The following EYS variants were observed in gnomAD, a reference collection of about 807,000 sequenced individuals.
The protein encoded by EYS is EGF-like photoreceptor maintenance factor, also known as protein eyes shut homolog.
Under a neutral mutation model 282.1 loss-of-function variants are expected in EYS, and 250 were observed. The observed-to-expected ratio is 0.89, with a 90% CI of 0.80 to 0.98. The LOEUF (loss-of-function observed/expected upper bound fraction) is 0.98. Ranked by LOEUF, EYS falls within the 50% of genes least tolerant of loss-of-function variation. EYS has a pLI of 0.00. For missense variants in EYS, 4,016 were observed against 3,709.0 expected, an observed-to-expected ratio of 1.08 and a Z score of -2.15; for synonymous variants, 1,355 against 1,282.9, an observed-to-expected ratio of 1.06 and a Z score of -1.20.
At chr6:65,294,142 A>G (rs1365228188) in intron 12 of EYS, among the ~76,000 whole-genome samples, 1 of 151,910 alleles carries the variant, frequency 6.6e-6, no homozygotes, top group Admixed American at 6.6e-5. Context: ...TAACAGAAGG[A>G]ACCAGATAGA....
intron 12 of EYS, among the ~76,000 whole-genome samples, chr6:65,254,321 T>A (rs1436067152): frequency 6.6e-6 from 1 of 151,902 alleles, no homozygotes; most frequent in East Asian, 1.9e-4. Flanking sequence ...TAAACACATC[T>A]ACTAAGACCA....
At chr6:65,405,092 T>C in intron 6 of EYS, 82 bp downstream of exon 6, 1 of 935,960 alleles carries the variant, frequency 1.1e-6, no homozygotes, top group Non-Finnish European at 1.7e-6. Flanking sequence ...ATAAGGATTC[T>C]AATTATTTAT....
At chr6:64,018,824 G>A (rs1769031092) in intron 33 of EYS, among the ~76,000 whole-genome samples, 1 of 135,882 alleles carries the variant, frequency 7.4e-6, no homozygotes, top group African/African-American at 2.9e-5. Context: ...GCCCAGGCTG[G>A]AGTGCAATGG....
At chr6:65,209,931 T>C (rs1766131590) in intron 12 of EYS, among the ~76,000 whole-genome samples, 1 of 151,894 alleles carries the variant, frequency 6.6e-6, no homozygotes, top group Admixed American at 6.6e-5. Context: ...AAAGTCTGTA[T>C]TGCATCCAGC....
At chr6:63,845,482 A>AC (rs1225232552) in intron 36 of EYS, among the ~76,000 whole-genome samples, 1 of 152,122 alleles carries the variant, frequency 6.6e-6, no homozygotes. Context: ...TAAAGGAATA[A>AC]ACCGCAGCAC....
At chr6:64,680,516 T>C (rs1194480517) in intron 22 of EYS, among the ~76,000 whole-genome samples, 1 of 152,142 alleles carries the variant, frequency 6.6e-6, no homozygotes, top group Non-Finnish European at 1.5e-5. Flanking sequence ...AAGCTAACTC[T>C]CTTCTCAACT....
At chr6:65,382,515 C>T (rs1241093216) in intron 8 of EYS, among the ~76,000 whole-genome samples, 1 of 128,146 alleles carries the variant, frequency 7.8e-6, no homozygotes, top group African/African-American at 2.8e-5. Flanking sequence ...TCTTCTAGTT[C>T]ATCCTTATGC....
chr6:64,860,268 C>G (rs1035094301), intron 19 of EYS, among the ~76,000 whole-genome samples: 7 of 152,232 alleles, frequency 4.6e-5, no homozygotes, highest in Non-Finnish European at 8.8e-5. Context: ...GTGCCATTGC[C>G]CAAGTCTTGG....
At chr6:63,811,488 A>G (rs1302971277) in intron 36 of EYS, among the ~76,000 whole-genome samples, 2 of 151,974 alleles carry the variant, frequency 1.3e-5, no homozygotes, top group Non-Finnish European at 2.9e-5. Context: ...ATTTTTTCCT[A>G]CCTTAATGAC....
At chr6:64,624,094 T>C (rs543294681) in intron 23 of EYS, among the ~76,000 whole-genome samples, 2 of 152,114 alleles carry the variant, frequency 1.3e-5, no homozygotes, top group Non-Finnish European at 1.5e-5. Flanking sequence ...TAAGTAACTC[T>C]AAAGTCAAAG....
intron 2 of EYS, among the ~76,000 whole-genome samples, chr6:65,581,759 T>C (rs914020439): frequency 1.3e-5 from 2 of 152,108 alleles, no homozygotes; most frequent in Non-Finnish European, 2.9e-5. Context: ...AAATCATTTA[T>C]AAAAATGACA....
intron 26 of EYS, among the ~76,000 whole-genome samples, chr6:64,563,909 T>A (rs1349979440): frequency 6.6e-6 from 1 of 151,966 alleles, no homozygotes. Context: ...TTTTTAAAAT[T>A]TATAATTTTC....
At chr6:64,937,589 T>C (rs1284403211) in intron 15 of EYS, among the ~76,000 whole-genome samples, 1 of 151,510 alleles carries the variant, frequency 6.6e-6, no homozygotes, top group Non-Finnish European at 1.5e-5. Context: ...TGCATTGAAA[T>C]ACCATTTCAC....
intron 22 of EYS, among the ~76,000 whole-genome samples, chr6:64,655,432 A>G (rs1365528610): frequency 6.6e-6 from 1 of 152,060 alleles, no homozygotes; most frequent in African/African-American, 2.4e-5. Flanking sequence ...ATATTTTATA[A>G]AAAATATCTA....
At chr6:65,027,861 G>T (rs928925263) in intron 13 of EYS, among the ~76,000 whole-genome samples, 3 of 152,118 alleles carry the variant, frequency 2.0e-5, no homozygotes. Flanking sequence ...ATATGAATAT[G>T]TATAAATGTA....
At position 64,994,845 on chromosome 6, in the gene EYS, G is replaced by A. The variant is rs531246125; in HGVS notation, c.2259+2737C>T. On this transcript the variant is annotated intron_variant, in intron 14 of 42. Transcript: ENST00000503581. ...ATACTATTTATTCATACACAAAAAGGCAATATTTAACAAGACATTTGAGCA... is the reference window on the plus strand; with the variant it reads ...ATACTATTTATTCATACACAAAAAGACAATATTTAACAAGACATTTGAGCA... Among the ~76,000 whole-genome samples, 101 of 152,046 alleles carry A rather than the reference G, an allele frequency of 6.6e-4. 1 individual carries two copies. Among genetic ancestry groups the A allele is most frequent in the African/African-American group, 2.1e-3 (88 of 41,488 alleles).
chr6:64,942,485 G>GA (rs1554220116), intron 15 of EYS, among the ~76,000 whole-genome samples: 1 of 142,670 alleles, frequency 7.0e-6, no homozygotes, highest in Non-Finnish European at 1.5e-5. Flanking sequence ...CATTAACAAA[G>GA]AAAAAACGAC....
chr6:65,254,951 T>C (rs927883778), intron 12 of EYS, among the ~76,000 whole-genome samples: 1 of 151,886 alleles, frequency 6.6e-6, no homozygotes, highest in African/African-American at 2.4e-5. Flanking sequence ...ATCACTTGAA[T>C]TAGTTCAAGC....
chr6:63,834,638 CTG>C lies in EYS; in HGVS notation c.7229-28268_7229-28267del, dbSNP rs574808568. Among the ~76,000 whole-genome samples the C allele has an allele frequency of 6.7e-4, 94 of 140,254 alleles. 3 individuals are homozygous for C. Among genetic ancestry groups the C allele is most frequent in the Non-Finnish European group, 1.1e-3 (72 of 65,534 alleles). 92.0% of individuals were successfully genotyped at this position (140,254 alleles called of 152,430 possible). The stretch of plus-strand genomic sequence containing the variant: ...AATTAGTTTAGCCTTGTGGAAGACA[CTG>C]TGGCGATTCCTCAAGGATCTAAAGC... On this transcript the variant is annotated intron_variant, in intron 36 of 42. Coordinates refer to ENST00000503581, the MANE Select transcript of EYS (RefSeq NM_001142800.2).
Sources: allele counts gnomAD v4.1 joint callset (sites outside exome capture counted in the v4.1 genomes callset), GRCh38; gene constraint gnomAD v4.1.1; transcripts MANE v1.5; gene names NCBI Gene and HGNC (gene_info 2026-07-23, HGNC 2026-07-21).